The following KIF26B variants were observed in gnomAD, a reference collection of about 807,000 sequenced individuals.
KIF26B encodes kinesin family member 26B.
Under a neutral mutation model 151.2 loss-of-function variants are expected in KIF26B, and 63 were observed. The observed-to-expected ratio is 0.42, with a 90% CI of 0.34 to 0.51. The LOEUF (loss-of-function observed/expected upper bound fraction) is 0.51. Among genes scored for constraint, KIF26B ranks in the 20% least tolerant of loss-of-function variants. The pLI is 0.07. For missense variants in KIF26B, 2,813 were observed against 2,913.6 expected, an observed-to-expected ratio of 0.97 and a Z score of 0.79; for synonymous variants, 1,357 against 1,262.1, an observed-to-expected ratio of 1.08 and a Z score of -1.59.
At chr1:245,646,697 AT>A (rs964190951) in intron 10 of KIF26B, among the ~76,000 whole-genome samples, 12 of 152,128 alleles carry the variant, frequency 7.9e-5, no homozygotes, top group African/African-American at 2.9e-4. Context: ...GCAAATTCAA[AT>A]TTCAGATAAC....
intron 3 of KIF26B, among the ~76,000 whole-genome samples, chr1:245,384,073 A>G (rs531379616): frequency 2.6e-4 from 40 of 152,326 alleles, no homozygotes; most frequent in African/African-American, 9.1e-4. Context: ...CTGCACAGAG[A>G]AAAACTGAAG....
In KIF26B at chr1:245,487,553, A is replaced by C. The variant is rs957195553; in HGVS notation, c.1167-53214A>C. On this transcript the variant is annotated intron_variant, in intron 4 of 14. Coordinates refer to ENST00000407071, the MANE Select transcript of KIF26B (RefSeq NM_018012.4). Reference sequence around the variant, plus strand: ...TACCCTTTGACACAATCAAGGGCAAAGAGTTAAAGGAAAGGTAGTCTTGAG... The same window carrying C: ...TACCCTTTGACACAATCAAGGGCAACGAGTTAAAGGAAAGGTAGTCTTGAG... 5.9e-5 allele frequency among the ~76,000 whole-genome samples: 9 copies of C among 152,142 alleles called. No homozygotes were observed. The East Asian group carries it at 1.7e-3, about 29-fold the overall frequency.
intron 2 of KIF26B, among the ~76,000 whole-genome samples, chr1:245,204,551 T>G (rs568880113): frequency 9.9e-5 from 15 of 152,182 alleles, no homozygotes; most frequent in Non-Finnish European, 2.1e-4. Context: ...TTTTTGTATT[T>G]TTAGTAGAGG....
chr1:245,419,893 T>C (rs1034407019), intron 4 of KIF26B, 148 bp downstream of exon 4: 11 of 785,748 alleles, frequency 1.4e-5, no homozygotes, highest in African/African-American at 1.0e-4. Flanking sequence ...GCCATGGCAC[T>C]GTGACCTCTC....
At chr1:245,368,751 T>C (rs12091805) in intron 3 of KIF26B, among the ~76,000 whole-genome samples, 1 of 151,902 alleles carries the variant, frequency 6.6e-6, no homozygotes, top group Non-Finnish European at 1.5e-5. Context: ...TGAGGGAAGA[T>C]AGAGTGTGTG....
At chr1:245,626,999 C>A (rs1253025499) in intron 9 of KIF26B, among the ~76,000 whole-genome samples, 1 of 152,106 alleles carries the variant, frequency 6.6e-6, no homozygotes, top group African/African-American at 2.4e-5. Context: ...GTCCTTTCCC[C>A]AATGCATGTT....
chr1:245,493,938 T>C (rs1189178164), intron 4 of KIF26B, among the ~76,000 whole-genome samples: 2 of 152,136 alleles, frequency 1.3e-5, no homozygotes, highest in East Asian at 1.9e-4. Context: ...TATTAGACTG[T>C]ATACTGCAAG....
intron 12 of KIF26B, 129 bp downstream of exon 12, chr1:245,688,936 C>G (rs1334185915): frequency 8.1e-7 from 1 of 1,235,322 alleles, no homozygotes; most frequent in East Asian, 2.8e-5. Context: ...TGCAGGTGGG[C>G]GAACTGCCCA....
In KIF26B at chr1:245,258,370, A is replaced by G. The variant is rs1670578146; in HGVS notation, c.465+101687A>G. ...ATGTGAACTTCAGGTACCAGAGTGC[A>G]TGCGGGAGGAGGCCTGGGTGCCCTG... On this transcript the variant is annotated intron_variant, in intron 2 of 14. Transcript: ENST00000407071. Among the ~76,000 whole-genome samples the G allele has an allele frequency of 2.6e-5, 4 of 152,264 alleles. No homozygotes were observed. The Middle Eastern group carries it at 0.01, about 388-fold the overall frequency.
Position 245,239,756 on chromosome 1 carries a change from A to G in KIF26B, c.465+83073A>G, listed in dbSNP as rs1394088136. Among the ~76,000 whole-genome samples, 1 of 151,780 alleles carries G rather than the reference A, an allele frequency of 6.6e-6. No homozygotes were observed. The highest frequency in any genetic ancestry group is 1.5e-5 in the Non-Finnish European group (1 of 67,982). On this transcript the variant is annotated intron_variant, in intron 2 of 14. Coordinates refer to ENST00000407071, the MANE Select transcript of KIF26B (RefSeq NM_018012.4). This position sits in a 1 kb window ranked among gnomAD's most constrained non-coding sequence, Gnocchi z 4.3. Reference sequence around the variant, plus strand: ...CTGACCTCAGGTGATCTGGCCTCCCAGAGTGCTGGGATTACAGGCATGAGC... The same window carrying G: ...CTGACCTCAGGTGATCTGGCCTCCCGGAGTGCTGGGATTACAGGCATGAGC...
chr1:245,512,945 C>T lies in KIF26B; in HGVS notation c.1167-27822C>T, dbSNP rs1660866953. ...ATTTTCTTACCCAAATTCCAGTTCT[C>T]ATCCTTGTTTTGGGTTCCCTGTTAA... On this transcript the variant is annotated intron_variant, in intron 4 of 14. Transcript: ENST00000407071. The surrounding 1 kb of genome is among the most constrained non-coding windows in gnomAD (Gnocchi z 4.3). Among the ~76,000 whole-genome samples, 3 of 152,152 alleles carry T rather than the reference C, an allele frequency of 2.0e-5. No individual in the cohort carries two copies. In the South Asian group the frequency reaches 6.2e-4, roughly 32 times the overall value.
Position 245,687,282 on chromosome 1 carries a change from A to C in KIF26B, c.4299A>C (p.Lys1433Asn), listed in dbSNP as rs774172363. The C allele has an allele frequency of 1.9e-6, 3 of 1,610,450 alleles. No individual in the cohort carries two copies. In the African/African-American group the frequency reaches 4.0e-5, roughly 21 times the overall value. The stretch of plus-strand genomic sequence containing the variant: ...AGAGTAAGGAAAACAGTGCAAAGAA[A>C]GAGATGAAATTTGAGGACCCGTGGC... ...SRESKENSAK[K>N]EMKFEDPWLK... The change falls in exon 12 of 15, where the codon AAA (lysine) becomes AAC (asparagine). Residue 1433 changes from lysine to asparagine, a missense_variant. Transcript: ENST00000407071. The surrounding 1 kb of genome is among the most constrained non-coding windows in gnomAD (Gnocchi z 4.9).
At chr1:245,550,259 G>C (rs527848023) in intron 5 of KIF26B, among the ~76,000 whole-genome samples, 2 of 152,226 alleles carry the variant, frequency 1.3e-5, no homozygotes, top group South Asian at 4.1e-4. Context: ...CGTTAGTGGA[G>C]CTCTGTTCCA....
At position 245,280,365 on chromosome 1, in the gene KIF26B, C is replaced by CAAAA. The variant is rs1191254237; in HGVS notation, c.466-86456_466-86453dup. 7.4e-4 allele frequency among the ~76,000 whole-genome samples: 96 copies of CAAAA among 129,618 alleles called. 1 individual carries two copies. In the East Asian group the frequency reaches 8.5e-3, roughly 11 times the overall value. The allele number at this position is 129,618 out of a possible 152,430, so 85.0% of individuals were successfully genotyped here. A position where few individuals can be genotyped will look rare whatever the true frequency, so the allele number is the denominator to read the frequency against. ...GTCTCTACTAAAAATACAAAAAATA[C>CAAAA]AAAAAAAAAAAAAAAATTAGCAGGG... On this transcript the variant is annotated intron_variant, in intron 2 of 14. Transcript: ENST00000407071.
intron 4 of KIF26B, among the ~76,000 whole-genome samples, chr1:245,481,989 GAGAA>G (rs1305658957): frequency 1.5e-4 from 23 of 151,962 alleles, no homozygotes; most frequent in African/African-American, 5.3e-4. Flanking sequence ...AGCCAAGGAA[GAGAA>G]AGATAACAAA....
chr1:245,692,518 C>G (rs1387317840), intron 12 of KIF26B, among the ~76,000 whole-genome samples: 2 of 151,984 alleles, frequency 1.3e-5, no homozygotes, highest in African/African-American at 4.8e-5. Context: ...CTGCAAACTC[C>G]CAGCGGCAAG....
At chr1:245,693,026 G>A (rs1194817357) in intron 12 of KIF26B, among the ~76,000 whole-genome samples, 4 of 151,980 alleles carry the variant, frequency 2.6e-5, no homozygotes, top group Non-Finnish European at 4.4e-5. Flanking sequence ...CCCAGTCCTC[G>A]CGCTCCCCCG....
chr1:245,618,732 G>C (rs1021548360), intron 9 of KIF26B, among the ~76,000 whole-genome samples: 1 of 110,368 alleles, frequency 9.1e-6, no homozygotes, highest in Non-Finnish European at 1.8e-5. Flanking sequence ...ACGTGCTGTT[G>C]GTGAGCTTGT....
chr1:245,682,788 G>A (rs926404260), intron 10 of KIF26B, among the ~76,000 whole-genome samples: 1 of 152,234 alleles, frequency 6.6e-6, no homozygotes, highest in Admixed American at 6.5e-5. Flanking sequence ...ACGCATCCAG[G>A]TGCAACGTCT....
Sources: allele counts gnomAD v4.1 joint callset (sites outside exome capture counted in the v4.1 genomes callset), GRCh38; gene constraint gnomAD v4.1.1; non-coding constraint Gnocchi (gnomAD v3.1); transcripts MANE v1.5; gene names NCBI Gene and HGNC (gene_info 2026-07-23, HGNC 2026-07-21).